Variants in FOXP2 observed in about 807,000 individuals in gnomAD.
FOXP2 encodes forkhead box P2, also known as forkhead box protein P2.
A neutral mutation model predicts 115.8 loss-of-function variants in FOXP2; 12 were observed. The observed-to-expected ratio is 0.10, with a 90% confidence interval of 0.07 to 0.17. The LOEUF (loss-of-function observed/expected upper bound fraction) is 0.17. Ranked by LOEUF, FOXP2 falls within the 10% of genes least tolerant of loss-of-function variation. The pLI is 1.00. For synonymous variants in FOXP2, 328 were observed against 297.7 expected, an observed-to-expected ratio of 1.10 and a Z score of -1.05; for missense variants, 629 against 843.5, an observed-to-expected ratio of 0.75 and a Z score of 3.15.
At chr7:114,566,345 T>C (rs1387804621) in intron 3 of FOXP2, among the ~76,000 whole-genome samples, 1 of 152,092 alleles carries the variant, frequency 6.6e-6, no homozygotes, top group African/African-American at 2.4e-5. Flanking sequence ...TGACCCCCAG[T>C]GTTGGAGGTG....
chr7:114,239,368 A>G (rs1795095443), intron 1 of FOXP2, among the ~76,000 whole-genome samples: 2 of 152,222 alleles, frequency 1.3e-5, no homozygotes, highest in Non-Finnish European at 2.9e-5. Flanking sequence ...TAAGTGTTAA[A>G]GTCTTTACTT....
At chr7:114,176,681 TTTG>T (rs1242668064) in intron 1 of FOXP2, among the ~76,000 whole-genome samples, 1 of 150,860 alleles carries the variant, frequency 6.6e-6, no homozygotes, top group Admixed American at 6.6e-5. Flanking sequence ...TTTTTTTTTT[TTTG>T]TAAGCTTTTA....
intron 1 of FOXP2, among the ~76,000 whole-genome samples, chr7:114,166,615 G>A (rs940794684): frequency 3.3e-5 from 5 of 152,162 alleles, no homozygotes; most frequent in Admixed American, 6.5e-5. Flanking sequence ...TGAGGCAGGA[G>A]AATTGCTTGA....
At chr7:114,141,255 T>G (rs1338892578) in intron 1 of FOXP2, among the ~76,000 whole-genome samples, 1 of 152,108 alleles carries the variant, frequency 6.6e-6, no homozygotes, top group African/African-American at 2.4e-5. Context: ...GGAAGCAGCA[T>G]AAATGGAAAA....
chr7:114,599,607 T>C (rs1802913914), intron 3 of FOXP2, among the ~76,000 whole-genome samples: 1 of 152,142 alleles, frequency 6.6e-6, no homozygotes, highest in South Asian at 2.1e-4. Flanking sequence ...AGTATAACTT[T>C]TTTTTATAAT....
chr7:114,161,983 A>G (rs561314321), upstream of FOXP2, among the ~76,000 whole-genome samples: 130 of 152,160 alleles, frequency 8.5e-4, no homozygotes, highest in African/African-American at 2.9e-3. Flanking sequence ...GGGTTTCACC[A>G]TGTTGGCCAG....
At chr7:114,388,308 T>C (rs181689456) in intron 2 of FOXP2, among the ~76,000 whole-genome samples, 62 of 152,132 alleles carry the variant, frequency 4.1e-4, no homozygotes, top group African/African-American at 1.4e-3. Context: ...TCAATCCTGT[T>C]ATATTTCTGG....
chr7:114,200,170 A>T (rs564906904), intron 1 of FOXP2, among the ~76,000 whole-genome samples: 2 of 152,306 alleles, frequency 1.3e-5, no homozygotes, highest in African/African-American at 4.8e-5. Flanking sequence ...TTGGAACAAT[A>T]CCTTCAAGTT....
intron 3 of FOXP2, among the ~76,000 whole-genome samples, chr7:114,546,586 G>A (rs554050811): frequency 6.6e-5 from 10 of 151,960 alleles, no homozygotes; most frequent in Admixed American, 2.0e-4. Context: ...CTGTTTAGAA[G>A]GTCATTCCAA....
intron 2 of FOXP2, among the ~76,000 whole-genome samples, chr7:114,514,151 A>G (rs1234977407): frequency 6.6e-6 from 1 of 152,040 alleles, no homozygotes; most frequent in Non-Finnish European, 1.5e-5. Flanking sequence ...TGCTGTATGT[A>G]TACAAAGTTA....
intron 1 of FOXP2, 117 bp from the exon 2 acceptor site, chr7:114,426,385 T>C (rs1455905809): frequency 3.2e-6 from 3 of 939,736 alleles, no homozygotes; most frequent in South Asian, 1.4e-5. Context: ...TATTCAAGGC[T>C]TTTTTCTTCC....
rs191565071 is a variant in FOXP2, at chr7:114,136,748, C to T, written c.-246-26196C>T. On this transcript the variant is annotated intron_variant, in intron 1 of 19. Transcript: ENST00000635638. ...AGAAATAGCAAAATCAAATCTGTTA[C>T]AATGAATTATTCATGACTAACTTGT... is the stretch of plus-strand genomic sequence containing the variant. Among the ~76,000 whole-genome samples the T allele has an allele frequency of 2.4e-3, 364 of 151,802 alleles. 3 individuals are homozygous for T. Among genetic ancestry groups the T allele is most frequent in the Non-Finnish European group, 2.1e-3 (144 of 67,804 alleles).
intron 2 of FOXP2, among the ~76,000 whole-genome samples, chr7:114,385,094 G>A (rs1231847313): frequency 6.6e-6 from 1 of 150,782 alleles, no homozygotes; most frequent in Non-Finnish European, 1.5e-5. Flanking sequence ...TTACAAACTC[G>A]GGGCCCTGGC....
At chr7:114,560,473 A>G (rs1800707771) in intron 3 of FOXP2, among the ~76,000 whole-genome samples, 1 of 152,120 alleles carries the variant, frequency 6.6e-6, no homozygotes, top group African/African-American at 2.4e-5. Context: ...AAAATTAGCC[A>G]GGCATGGTGG....
chr7:114,133,463 G>A (rs1791946030), intron 1 of FOXP2, among the ~76,000 whole-genome samples: 1 of 152,230 alleles, frequency 6.6e-6, no homozygotes, highest in Non-Finnish European at 1.5e-5. Flanking sequence ...GGCTAGATGA[G>A]ATCACCAAAG....
chr7:114,193,787 A>G (rs1793827441), intron 1 of FOXP2, among the ~76,000 whole-genome samples: 1 of 152,128 alleles, frequency 6.6e-6, no homozygotes, highest in Non-Finnish European at 1.5e-5. Context: ...TCGGTATGGT[A>G]CATCTTTTAT....
chr7:114,423,682 A>G (rs1793715477), intron 1 of FOXP2, among the ~76,000 whole-genome samples: 1 of 151,666 alleles, frequency 6.6e-6, no homozygotes, highest in African/African-American at 2.4e-5. Flanking sequence ...CTGAAAGAAT[A>G]TGCTGAATTT....
intron 3 of FOXP2, among the ~76,000 whole-genome samples, chr7:114,542,775 GTTTTTGTTTTTGT>G (rs1799734804): frequency 6.8e-6 from 1 of 146,026 alleles, no homozygotes; most frequent in Non-Finnish European, 1.5e-5. Flanking sequence ...AAATTTTTTT[GTTTTTGTTTTTGT>G]TTTTTGTTTT....
intron 1 of FOXP2, among the ~76,000 whole-genome samples, chr7:114,165,181 T>G (rs1792945994): frequency 6.6e-6 from 1 of 152,136 alleles, no homozygotes; most frequent in Admixed American, 6.5e-5. Context: ...GAAAAATCTA[T>G]TGATGAGAAA....
Sources: gnomAD v4.1 joint callset for allele counts (sites outside exome capture counted in the v4.1 genomes callset) on GRCh38, gnomAD v4.1.1 for gene constraint, MANE v1.5 for transcripts, NCBI Gene and HGNC (gene_info 2026-07-23, HGNC 2026-07-21) for gene names.